MCTP1: variants seen among roughly 807,000 people sequenced by gnomAD.
MCTP1 encodes the protein multiple C2 and transmembrane domain containing 1, also known as multiple C2 and transmembrane domain-containing protein 1.
In MCTP1, 69 loss-of-function variants were observed where a neutral mutation model predicts 120.6. The ratio of observed to expected loss-of-function variants is 0.57; its 90% CI spans 0.47 to 0.70. MCTP1 has a LOEUF of 0.70. Among genes scored for constraint, MCTP1 ranks in the 30% least tolerant of loss-of-function variants. MCTP1 has a pLI of 0.00. For missense variants in MCTP1, 1,203 were observed against 1,248.8 expected (o/e 0.96, Z 0.55); for synonymous variants, 529 against 493.1 (o/e 1.07, Z -0.96).
At chr5:95,038,242 G>A (rs895259116) in intron 1 of MCTP1, 2 of 332,002 alleles carry the variant, frequency 6.0e-6, no homozygotes, top group African/African-American at 4.5e-5. Context: ...ATCCTTCAGT[G>A]AATATTGTGA....
chr5:95,086,171 T>C (rs1473798504), intron 1 of MCTP1, among the ~76,000 whole-genome samples: 2 of 152,162 alleles, frequency 1.3e-5, no homozygotes, highest in East Asian at 3.8e-4. Flanking sequence ...TAATGTTAGA[T>C]TGCATATCTA....
At chr5:95,156,366 C>G (rs1419004799) in intron 1 of MCTP1, among the ~76,000 whole-genome samples, 1 of 152,218 alleles carries the variant, frequency 6.6e-6, no homozygotes, top group East Asian at 1.9e-4. Context: ...ATGATCTGAA[C>G]TGCAAAGTGA....
At position 94,922,092 on chromosome 5, in the gene MCTP1, A is replaced by G. The variant is rs559844029; in HGVS notation, c.1272+1870T>C. Among the ~76,000 whole-genome samples the G allele has an allele frequency of 4.6e-5, 7 of 152,310 alleles. No individual in the cohort carries two copies. The East Asian group carries it at 1.2e-3, about 25-fold the overall frequency. On this transcript the variant is annotated intron_variant, in intron 7 of 22. Coordinates refer to ENST00000515393, the MANE Select transcript of MCTP1 (RefSeq NM_024717.7). ...GATGACCCCTAAAGGTTATGCCTAT[A>G]TGACTCAATTCATTTGTCAACTCTT...
In MCTP1 at chr5:94,942,539, T is replaced by C. The variant is rs993260229; in HGVS notation, c.982-112A>G. 2.8e-5 allele frequency: 17 copies of C among 614,708 alleles called. No homozygotes were observed. In the African/African-American group the frequency reaches 3.0e-4, roughly 11 times the overall value. 38.1% of individuals were successfully genotyped at this position (614,708 alleles called of 1,614,324 possible). A position where few individuals can be genotyped will look rare whatever the true frequency, so the allele number is the denominator to read the frequency against. ...GTCTATGTCACCAAAAGCATACTAA[T>C]ATTTGTATTTTAAAATAATTGTTTT... is the stretch of plus-strand genomic sequence containing the variant. On this transcript the variant is annotated intron_variant, in intron 3 of 22. Transcript: ENST00000515393.
chr5:95,167,482 A>G (rs1413766740), intron 1 of MCTP1, among the ~76,000 whole-genome samples: 2 of 152,220 alleles, frequency 1.3e-5, no homozygotes, highest in Admixed American at 6.5e-5. Flanking sequence ...AGGAATCGCC[A>G]CACTGACTTC....
chr5:95,129,287 T>C (rs1389830357), intron 1 of MCTP1, among the ~76,000 whole-genome samples: 1 of 152,240 alleles, frequency 6.6e-6, no homozygotes, highest in Non-Finnish European at 1.5e-5. Context: ...GTTTTATCAA[T>C]TTTGTCAAGT....
chr5:95,145,145 A>G (rs1760275098), intron 1 of MCTP1, among the ~76,000 whole-genome samples: 1 of 151,820 alleles, frequency 6.6e-6, no homozygotes, highest in Admixed American at 6.6e-5. Context: ...AGATACTTCA[A>G]TTTTTTGCAG....
intron 1 of MCTP1, among the ~76,000 whole-genome samples, chr5:95,061,002 A>T (rs869132655): frequency 4.7e-5 from 5 of 107,212 alleles, no homozygotes; most frequent in African/African-American, 9.8e-5. Flanking sequence ...TCAAATGTAC[A>T]TTTTTTTTTT....
intron 1 of MCTP1, among the ~76,000 whole-genome samples, chr5:95,250,782 T>C (rs964285128): frequency 1.7e-4 from 26 of 152,232 alleles, no homozygotes; most frequent in African/African-American, 5.1e-4. Flanking sequence ...ACTTTTTCCT[T>C]ATAGCTTTAT....
At chr5:95,210,553 T>G (rs1409055586) in intron 1 of MCTP1, among the ~76,000 whole-genome samples, 1 of 148,652 alleles carries the variant, frequency 6.7e-6, no homozygotes, top group Non-Finnish European at 1.5e-5. Context: ...CCTTTTATTT[T>G]GAGCCTATGT....
Position 95,181,461 on chromosome 5 carries a change from T to C in MCTP1, c.720+102395A>G, listed in dbSNP as rs56739096. ...ATTGATTGATTGCCTAAAGGTCAGC[T>C]CAGCAGGATGTCTTCCATGATGACT... is the stretch of plus-strand genomic sequence containing the variant. On this transcript the variant is annotated intron_variant, in intron 1 of 22. Coordinates refer to ENST00000515393, the MANE Select transcript of MCTP1 (RefSeq NM_024717.7). 3.6e-3 allele frequency among the ~76,000 whole-genome samples: 551 copies of C among 152,328 alleles called. 2 individuals are homozygous for C. Among genetic ancestry groups the C allele is most frequent in the African/African-American group, 0.012 (513 of 41,580 alleles).
intron 17 of MCTP1, among the ~76,000 whole-genome samples, chr5:94,847,236 A>T (rs941147743): frequency 6.6e-6 from 1 of 152,192 alleles, no homozygotes; most frequent in African/African-American, 2.4e-5. Flanking sequence ...CTAAGAACTT[A>T]TTCAGAGTTC....
At chr5:95,117,263 C>T (rs568259602) in intron 1 of MCTP1, among the ~76,000 whole-genome samples, 119 of 151,896 alleles carry the variant, frequency 7.8e-4, no homozygotes, top group African/African-American at 2.7e-3. Context: ...TGGTGGCAGG[C>T]GCCTGTAGTC....
intron 1 of MCTP1, among the ~76,000 whole-genome samples, chr5:95,171,279 C>A (rs539427450): frequency 6.6e-6 from 1 of 152,138 alleles, no homozygotes; most frequent in East Asian, 1.9e-4. Context: ...CCGAGAGATC[C>A]GCTGTTAGTC....
chr5:95,120,300 A>C (rs1289722504), intron 1 of MCTP1, among the ~76,000 whole-genome samples: 3 of 152,214 alleles, frequency 2.0e-5, no homozygotes, highest in Admixed American at 1.3e-4. Flanking sequence ...TCAGAAAAAT[A>C]AAGGAAGAGG....
At chr5:95,245,069 A>G (rs975718107) in intron 1 of MCTP1, among the ~76,000 whole-genome samples, 1 of 152,204 alleles carries the variant, frequency 6.6e-6, no homozygotes, top group Non-Finnish European at 1.5e-5. Flanking sequence ...AAACTCCAAT[A>G]GACCTACAGC....
intron 10 of MCTP1, among the ~76,000 whole-genome samples, chr5:94,906,131 A>G (rs929343180): frequency 2.0e-5 from 3 of 152,168 alleles, no homozygotes; most frequent in Admixed American, 1.3e-4. Context: ...GGGGACATTG[A>G]CAGGAGTAGT....
At chr5:94,963,659 T>G (rs982300293) in intron 2 of MCTP1, among the ~76,000 whole-genome samples, 7 of 151,972 alleles carry the variant, frequency 4.6e-5, no homozygotes, top group African/African-American at 1.7e-4. Context: ...GGTAATCGAG[T>G]TATTTGTTTT....
chr5:94,738,577 C>T (rs949990981), intron 19 of MCTP1, among the ~76,000 whole-genome samples: 1 of 152,142 alleles, frequency 6.6e-6, no homozygotes, highest in Non-Finnish European at 1.5e-5. Flanking sequence ...TTGTTTAAGA[C>T]TTAACTCAAA....
Sources: allele counts gnomAD v4.1 joint callset (sites outside exome capture counted in the v4.1 genomes callset), GRCh38; gene constraint gnomAD v4.1.1; transcripts MANE v1.5; gene names NCBI Gene and HGNC (gene_info 2026-07-23, HGNC 2026-07-21).